The following KCNN1 variants were observed in gnomAD, a reference collection of about 807,000 sequenced individuals.
The protein encoded by KCNN1 is small conductance calcium-activated potassium channel protein 1.
KCNN1 carries 20 observed loss-of-function variants against 44.7 expected under a neutral mutation model. The ratio of observed to expected loss-of-function variants is 0.45; its 90% CI spans 0.32 to 0.65. The LOEUF is 0.65. KCNN1 is among the 30% of genes least tolerant of loss of function. The pLI is 0.05. For missense variants in KCNN1, 632 were observed against 785.3 expected (o/e 0.80, Z 2.33); for synonymous variants, 324 against 341.7 (o/e 0.95, Z 0.57).
At chr19:17,995,148 A>G (rs985415721) in intron 9 of KCNN1, among the ~76,000 whole-genome samples, 1 of 151,964 alleles carries the variant, frequency 6.6e-6, no homozygotes, top group Non-Finnish European at 1.5e-5. Context: ...TTAACCTACA[A>G]GAAATTTAAT....
At chr19:17,987,171 G>A (rs1421972303) in intron 5 of KCNN1, among the ~76,000 whole-genome samples, 2 of 145,834 alleles carry the variant, frequency 1.4e-5, no homozygotes, top group Admixed American at 6.8e-5. Context: ...ATGCAGTGGC[G>A]TGATCTCAGC....
Position 17,999,702 on chromosome 19 carries a change from G to T in KCNN1, c.*1296G>T. The T allele has an allele frequency of 3.7e-6, 1 of 273,468 alleles. No homozygotes were observed. Among genetic ancestry groups the T allele is most frequent in the Admixed American group, 4.1e-5 (1 of 24,186 alleles). The allele number at this position is 273,468 out of a possible 1,614,324, so 16.9% of individuals were successfully genotyped here. On this transcript the variant is annotated 3_prime_UTR_variant, in exon 10 of 10. Transcript: ENST00000684775. ...GGGAGCAACAGGCATTTACTTGGCA[G>T]ATGCTGAGCCCTGGGTGGGGCGAGG...
chr19:17,994,262 CAG>C (rs1053305017), intron 9 of KCNN1, among the ~76,000 whole-genome samples: 4 of 151,702 alleles, frequency 2.6e-5, no homozygotes, highest in African/African-American at 9.7e-5. Flanking sequence ...CTGGGCAGCA[CAG>C]AGAGACCCCA....
intron 1 of KCNN1, chr19:17,954,543 CCT>C (rs1388495896): frequency 6.5e-6 from 1 of 152,876 alleles, no homozygotes. Context: ...CCCCGCACCC[CCT>C]GTCTGATCAT....
chr19:17,984,162 CAA>C (rs527690149), intron 4 of KCNN1, among the ~76,000 whole-genome samples: 3 of 139,264 alleles, frequency 2.2e-5, no homozygotes, highest in Non-Finnish European at 1.6e-5. Context: ...GATATTGTCT[CAA>C]AAAAAAAAAA....
chr19:17,991,897 C>T (rs1029408086), intron 7 of KCNN1, among the ~76,000 whole-genome samples: 1 of 152,122 alleles, frequency 6.6e-6, no homozygotes, highest in African/African-American at 2.4e-5. Flanking sequence ...CCAAAGAAAC[C>T]TTATTTTCCA....
rs1464291279 is a variant in KCNN1, at chr19:17,978,431, T to TG, written c.498+3244_498+3245insG. On this transcript the variant is annotated intron_variant, in intron 3 of 9. Transcript: ENST00000684775. ...TGAGCCACTGCCCAGCCTGTTTTTT[T>TG]TTTTTTTTTTTTTAAACACAGGATC... Among the ~76,000 whole-genome samples the TG allele has an allele frequency of 5.3e-5, 8 of 149,992 alleles. No homozygotes were observed. The East Asian group carries it at 1.6e-3, about 30-fold the overall frequency.
intron 3 of KCNN1, among the ~76,000 whole-genome samples, chr19:17,978,123 CTTG>C (rs2032266793): frequency 1.4e-5 from 2 of 147,294 alleles, no homozygotes; most frequent in Admixed American, 1.4e-4. Flanking sequence ...TATATGTATA[CTTG>C]TTTTTTTTTT....
At chr19:17,987,308 C>T (rs1479726039) in intron 5 of KCNN1, among the ~76,000 whole-genome samples, 1 of 151,962 alleles carries the variant, frequency 6.6e-6, no homozygotes, top group Non-Finnish European at 1.5e-5. Context: ...CAGGGTTTCA[C>T]CATGTCGACC....
Position 17,998,227 on chromosome 19 carries a change from C to A in KCNN1, c.1453C>A (p.Leu485Met). Reference protein sequence around the residue: ...HEELEARLATLESRLDALGAS... With the variant: ...HEELEARLATMESRLDALGAS... ...GGAGCTGGAGGCCCGCCTGGCCACC[C>A]TGGAAAGCCGCTTGGATGCGCTGGG... The change falls in exon 10 of 10, where the codon CTG becomes ATG. Residue 485 changes from leucine to methionine, a missense_variant. Leu to Met is a conservative substitution (Grantham distance 15, BLOSUM62 2). Around this residue, in one of 3 missense-constraint regions of KCNN1, gnomAD observed 237 missense variants for 253.0 expected, o/e 0.94. Transcript: ENST00000684775. This position sits in a 1 kb window ranked among gnomAD's most constrained non-coding sequence, Gnocchi z 5.4. The A allele has an allele frequency of 6.3e-7, 1 of 1,581,550 alleles. No individual in the cohort carries two copies. Among genetic ancestry groups the A allele is most frequent in the Non-Finnish European group, 8.6e-7 (1 of 1,165,630 alleles).
At chr19:17,990,799 C>CAAAAAA (rs1252211442) in intron 7 of KCNN1, among the ~76,000 whole-genome samples, 7 of 54,086 alleles carry the variant, frequency 1.3e-4, no homozygotes, top group Non-Finnish European at 2.3e-4. Flanking sequence ...GACTCTGTCT[C>CAAAAAA]AAAAAAAAAA....
At chr19:17,985,594 A>C (rs1599369550) in intron 5 of KCNN1, 141 bp downstream of exon 5, 1 of 687,824 alleles carries the variant, frequency 1.5e-6, no homozygotes, top group Non-Finnish European at 2.2e-6. Context: ...CTGTCAGTCC[A>C]CCCCTCCCCT....
rs1409263200 is a variant in KCNN1, at chr19:17,993,905, G to C, written c.1377+346G>C. On this transcript the variant is annotated intron_variant, in intron 9 of 9. Transcript: ENST00000684775. This position sits in a 1 kb window ranked among gnomAD's most constrained non-coding sequence, Gnocchi z 4.5. ...AGCCTGGGTGACAGAGTGACACCCT[G>C]TCTCAAAAAAATGATAATAATTTTA... Among the ~76,000 whole-genome samples, 1 of 151,962 alleles carries C rather than the reference G, an allele frequency of 6.6e-6. No homozygotes were observed. The highest frequency in any genetic ancestry group is 1.9e-4 in the East Asian group (1 of 5,184).
intron 1 of KCNN1, among the ~76,000 whole-genome samples, chr19:17,953,162 T>C (rs1433222747): frequency 2.0e-5 from 3 of 152,008 alleles, no homozygotes; most frequent in African/African-American, 2.4e-5. Flanking sequence ...CCTCCTCTTG[T>C]CCCCCGTGTG....
chr19:17,974,404 G>A lies in KCNN1; in HGVS notation c.402+114G>A. ...CCCGGGAGATAGGGAGTGTTAGGGG[G>A]CTCCCGGAGGTGAGGGCTCCCTGGC... On this transcript the variant is annotated intron_variant, in intron 2 of 9. Coordinates refer to ENST00000684775, the MANE Select transcript of KCNN1 (RefSeq NM_001386974.1). The surrounding 1 kb of genome is among the most constrained non-coding windows in gnomAD (Gnocchi z 7.3). The A allele has an allele frequency of 1.6e-6, 2 of 1,220,986 alleles. No individual in the cohort carries two copies. The highest frequency in any genetic ancestry group is 3.3e-5 in the South Asian group (2 of 61,146). The allele number at this position is 1,220,986 out of a possible 1,614,324, so 75.6% of individuals were successfully genotyped here.
chr19:17,958,668 A>G (rs1366605747), intron 2 of KCNN1, among the ~76,000 whole-genome samples: 2 of 149,202 alleles, frequency 1.3e-5, no homozygotes, highest in African/African-American at 5.0e-5. Flanking sequence ...TTTTTATTTT[A>G]TTTATTTATA....
At chr19:17,979,381 C>T (rs2032317062) in intron 3 of KCNN1, among the ~76,000 whole-genome samples, 1 of 136,334 alleles carries the variant, frequency 7.3e-6, no homozygotes, top group Non-Finnish European at 1.5e-5. Flanking sequence ...TGCAGTGAGC[C>T]GAGATCGCGT....
chr19:17,960,385 T>A (rs1386215963), intron 2 of KCNN1, among the ~76,000 whole-genome samples: 3 of 151,860 alleles, frequency 2.0e-5, no homozygotes, highest in Non-Finnish European at 4.4e-5. Context: ...ATCCTAGCAC[T>A]TTGGGAGGCC....
intron 5 of KCNN1, 93 bp from the exon 6 acceptor site, chr19:17,988,322 G>A (rs1199444518): frequency 1.0e-6 from 1 of 982,586 alleles, no homozygotes; most frequent in Non-Finnish European, 1.6e-6. Context: ...TGCTGGCTCA[G>A]AGAATGGGGA....
Sources: gnomAD v4.1 joint callset for allele counts (sites outside exome capture counted in the v4.1 genomes callset) on GRCh38, gnomAD v4.1.1 for gene constraint, gnomAD v4.1.1 regional missense constraint, Gnocchi (gnomAD v3.1) non-coding constraint, MANE v1.5 for transcripts, NCBI Gene and HGNC (gene_info 2026-07-23, HGNC 2026-07-21) for gene names.